Variants in TASOR2 observed in about 807,000 individuals in gnomAD.
The protein encoded by TASOR2 is transcription activation suppressor family member 2.
In TASOR2, 84 loss-of-function variants were observed where a neutral mutation model predicts 199.5. That is an observed-to-expected ratio of 0.42 (90% CI 0.35 to 0.50). The LOEUF (loss-of-function observed/expected upper bound fraction) is 0.50. Ranked by LOEUF, TASOR2 falls within the 20% of genes least tolerant of loss-of-function variation. TASOR2 has a pLI of 0.02. For synonymous variants in TASOR2, 1,103 were observed against 1,046.6 expected (o/e 1.05, Z -1.04); for missense variants, 2,796 against 2,835.9 (o/e 0.99, Z 0.32).
In TASOR2 at chr10:5,720,987, A is replaced by T. The variant is rs755669529; in HGVS notation, c.146+17A>T. On this transcript the variant is annotated intron_variant, in intron 6 of 20. Coordinates refer to ENST00000328090, the Ensembl canonical transcript of TASOR2. This position sits in a 1 kb window ranked among gnomAD's most constrained non-coding sequence, Gnocchi z 5.3. The stretch of plus-strand genomic sequence containing the variant: ...AACACAGCTGTAAGTATTAAATGTT[A>T]TGTCCTTTACTAATGCTTATATTAC... 1 of 1,583,042 alleles carries T rather than the reference A, an allele frequency of 6.3e-7. No homozygotes were observed. The highest frequency in any genetic ancestry group is 8.6e-7 in the Non-Finnish European group (1 of 1,161,302).
chr10:5,748,527 G>C lies in TASOR2; in HGVS notation c.5106G>C (p.Glu1702Asp). ...TTAAGAATGGTGAGCCTGAAGCTGA[G>C]TTACATAAAGAAACCACAGGTCCAG... Residue 1702 changes from glutamate (E) to aspartate (D), a missense_variant, in exon 15 of 21, where the codon GAG becomes GAC. By Grantham distance (45) the Glu-to-Asp change is conservative. This residue lies in a region of TASOR2 where 1,941 missense variants were observed against 1,924.9 expected (regional missense o/e 1.01). Transcript: ENST00000328090. The surrounding 1 kb of genome is among the most constrained non-coding windows in gnomAD (Gnocchi z 5.1). 1 of 1,613,578 alleles carries C rather than the reference G, an allele frequency of 6.2e-7. No homozygotes were observed. The highest frequency in any genetic ancestry group is 8.5e-7 in the Non-Finnish European group (1 of 1,180,024).
At chr10:5,755,626 A>C (rs2669133) in intron 15 of TASOR2, among the ~76,000 whole-genome samples, 12,307 of 152,066 alleles carry the variant, frequency 0.081, 1,270 homozygotes, top group East Asian at 0.44. Flanking sequence ...ACTTTTATGA[A>C]GGAAATAAGT....
At chr10:5,705,376 TC>T (rs1235508713) in intron 1 of TASOR2, among the ~76,000 whole-genome samples, 1 of 152,216 alleles carries the variant, frequency 6.6e-6, no homozygotes, top group Non-Finnish European at 1.5e-5. Flanking sequence ...TACAAGTTTA[TC>T]CATTCACCTA....
At chr10:5,755,333 G>A (rs928205845) in intron 15 of TASOR2, among the ~76,000 whole-genome samples, 7 of 152,160 alleles carry the variant, frequency 4.6e-5, no homozygotes, top group Non-Finnish European at 8.8e-5. Flanking sequence ...AGCACTTTGG[G>A]AGGCCAAGGC....
exon 15 of TASOR2, chr10:5,749,038 CACA>C (rs1356064338): frequency 9.9e-6 from 16 of 1,613,986 alleles, no homozygotes; most frequent in Non-Finnish European, 9.3e-6. Flanking sequence ...GTTGAACTTC[CACA>C]ACAACAACCA....
rs1275618267 is a variant in TASOR2 at position 5,740,208 on chromosome 10, A to C, written c.2038A>C (p.Arg680=). The stretch of plus-strand genomic sequence containing the variant: ...AGAGATACTAAGCCCTCTGTTTCCC[A>C]GGAATGGGACAAAAAGCCCTGAAGC... Residue 680 remains arginine, a synonymous_variant, in exon 13 of 21, where the codon AGG becomes CGG. Coordinates refer to ENST00000328090, the Ensembl canonical transcript of TASOR2. The surrounding 1 kb of genome is among the most constrained non-coding windows in gnomAD (Gnocchi z 5.3). 6.2e-7 allele frequency: 1 copy of C among 1,614,230 alleles called. No individual in the cohort carries two copies. Among genetic ancestry groups the C allele is most frequent in the Admixed American group, 1.7e-5 (1 of 60,026 alleles).
rs1554784551 is a variant in TASOR2 at position 5,762,515 on chromosome 10, T to TG, written c.7175-17_7175-16insG. 2.3e-5 allele frequency: 14 copies of TG among 599,540 alleles called. No homozygotes were observed. Among genetic ancestry groups the TG allele is most frequent in the Non-Finnish European group, 3.6e-5 (14 of 386,522 alleles). 37.1% of individuals were successfully genotyped at this position (599,540 alleles called of 1,614,324 possible). A position where few individuals can be genotyped will look rare whatever the true frequency, so the allele number is the denominator to read the frequency against. ...TAATTATATTAACCAAAAGTTGTTTTTTTTTTTTTTTAACAGACAAGCCTA... is the reference window on the plus strand; with the variant it reads ...TAATTATATTAACCAAAAGTTGTTTTGTTTTTTTTTTTAACAGACAAGCCTA... On this transcript the variant is annotated splice_polypyrimidine_tract_variant and intron_variant, in intron 19 of 20. Coordinates refer to ENST00000328090, the Ensembl canonical transcript of TASOR2.
chr10:5,689,012 G>T lies in TASOR2; in HGVS notation c.-288+3837G>T, dbSNP rs1035607141. On this transcript the variant is annotated intron_variant, in intron 1 of 20. Coordinates refer to ENST00000328090, the Ensembl canonical transcript of TASOR2. The surrounding 1 kb of genome is among the most constrained non-coding windows in gnomAD (Gnocchi z 4.1). Reference sequence around the variant, plus strand: ...AGCAAGACCCTGTCTCCTTTAAAAAGTACAGTTTTTGGAATGGCTTTTATT... The same window carrying T: ...AGCAAGACCCTGTCTCCTTTAAAAATTACAGTTTTTGGAATGGCTTTTATT... Among the ~76,000 whole-genome samples, 1 of 151,736 alleles carries T rather than the reference G, an allele frequency of 6.6e-6. No homozygotes were observed.
In TASOR2 at chr10:5,708,622, CCCTCCCTT is replaced by C. The variant is rs1439126953; in HGVS notation, c.-287-4189_-287-4182del. Among the ~76,000 whole-genome samples, 20 of 15,176 alleles carry C rather than the reference CCCTCCCTT, an allele frequency of 1.3e-3. 1 individual carries two copies. The highest frequency in any genetic ancestry group is 8.3e-3 in the East Asian group (11 of 1,332). 10.0% of individuals were successfully genotyped at this position (15,176 alleles called of 152,430 possible). ...TCTCTTCCTTCCTCCCTCCCTCCCT[CCCTCCCTT>C]CCTCCCTTCCTTCCTTCCTTCCTTC... On this transcript the variant is annotated intron_variant, in intron 1 of 20. Coordinates refer to ENST00000328090, the Ensembl canonical transcript of TASOR2.
intron 14 of TASOR2, among the ~76,000 whole-genome samples, chr10:5,743,157 A>G (rs1836673970): frequency 6.6e-6 from 1 of 152,232 alleles, no homozygotes; most frequent in Non-Finnish European, 1.5e-5. Flanking sequence ...TGACAAAATT[A>G]CCTACCTTTT....
chr10:5,757,420 T>G, intron 16 of TASOR2, 100 bp from the exon 18 acceptor site: 1 of 1,183,084 alleles, frequency 8.5e-7, no homozygotes. Context: ...TTTTCAGTTG[T>G]TCCTGAACCT....
chr10:5,706,353 G>A lies in TASOR2; in HGVS notation c.-287-6470G>A, dbSNP rs553131752. On this transcript the variant is annotated intron_variant, in intron 1 of 20. Coordinates refer to ENST00000328090, the Ensembl canonical transcript of TASOR2. This position sits in a 1 kb window ranked among gnomAD's most constrained non-coding sequence, Gnocchi z 4.8. ...TATAAATTTTAGAATCAGATCATCA[G>A]TTTCTGCAAACTGAGATTGTGTTGA... 1.3e-5 allele frequency among the ~76,000 whole-genome samples: 2 copies of A among 152,244 alleles called. No individual in the cohort carries two copies. Among genetic ancestry groups the A allele is most frequent in the African/African-American group, 4.8e-5 (2 of 41,544 alleles).
chr10:5,705,782 A>G (rs944518036), intron 1 of TASOR2, among the ~76,000 whole-genome samples: 6 of 152,074 alleles, frequency 3.9e-5, no homozygotes, highest in African/African-American at 7.2e-5. Context: ...AAATGTGTCT[A>G]TGAGTTTTTT....
At chr10:5,695,366 AT>A in intron 1 of TASOR2, among the ~76,000 whole-genome samples, 1 of 152,334 alleles carries the variant, frequency 6.6e-6, no homozygotes. Flanking sequence ...AGATCTTTAG[AT>A]TGTGCTTTTT....
chr10:5,707,164 C>T (rs1242556279), intron 1 of TASOR2, among the ~76,000 whole-genome samples: 1 of 152,192 alleles, frequency 6.6e-6, no homozygotes. Context: ...GCCTCATGCA[C>T]AGCAAGCCTT....
rs1334404396 is a variant in TASOR2 at position 5,699,528 on chromosome 10, A to G, written c.-287-13295A>G. 6.6e-6 allele frequency: 1 copy of G among 152,228 alleles called. No homozygotes were observed. The highest frequency in any genetic ancestry group is 1.9e-4 in the East Asian group (1 of 5,204). 9.4% of individuals were successfully genotyped at this position (152,228 alleles called of 1,614,324 possible). On this transcript the variant is annotated intron_variant, in intron 1 of 20. Transcript: ENST00000328090. The surrounding 1 kb of genome is among the most constrained non-coding windows in gnomAD (Gnocchi z 4.1). ...TTATATCTCAACATTGTATTAGAAA[A>G]TAAAATTAATGAAGCATAGAAGTTA... is the stretch of plus-strand genomic sequence containing the variant.
At position 5,712,928 on chromosome 10, in the gene TASOR2, T is replaced by A; in HGVS notation, c.-192+10T>A. ...TGATACTGAAAAGCAGGTAAGGGAA[T>A]TAGGTTGTAGAAAATTAATGGTATC... is the stretch of plus-strand genomic sequence containing the variant. On this transcript the variant is annotated intron_variant, in intron 2 of 20. Transcript: ENST00000328090. 8.3e-7 allele frequency: 1 copy of A among 1,203,626 alleles called. No homozygotes were observed. The highest frequency in any genetic ancestry group is 1.0e-6 in the Non-Finnish European group (1 of 962,214). The allele number at this position is 1,203,626 out of a possible 1,614,324, so 74.6% of individuals were successfully genotyped here. A position where few individuals can be genotyped will look rare whatever the true frequency, so the allele number is the denominator to read the frequency against.
intron 2 of TASOR2, 23 bp downstream of exon 3, chr10:5,714,230 A>C: frequency 8.2e-7 from 1 of 1,223,736 alleles, no homozygotes; most frequent in Non-Finnish European, 1.0e-6. Flanking sequence ...AGCAAAAAGA[A>C]TCTTAAAAAA....
Position 5,742,341 on chromosome 10 carries a change from A to G in TASOR2, c.2572A>G (p.Ile858Val), listed in dbSNP as rs753753548. ...AGACTCTCTGTTGGAGACTAACGAA[A>G]TTTCCAGGGCTCATGCTGCTGAAGT... Residue 858 changes from isoleucine to valine, a missense_variant, in exon 14 of 21, where the codon ATT becomes GTT. Ile to Val is a conservative substitution (Grantham distance 29). Transcript: ENST00000328090. The surrounding 1 kb of genome is among the most constrained non-coding windows in gnomAD (Gnocchi z 4.2). 2.2e-5 allele frequency: 36 copies of G among 1,614,034 alleles called. No individual in the cohort carries two copies. The highest frequency in any genetic ancestry group is 8.5e-7 in the Non-Finnish European group (1 of 1,180,034).
Sources: allele counts gnomAD v4.1 joint callset (sites outside exome capture counted in the v4.1 genomes callset), GRCh38; gene constraint gnomAD v4.1.1; regional missense constraint gnomAD v4.1.1; non-coding constraint Gnocchi (gnomAD v3.1); transcripts MANE v1.5; gene names NCBI Gene and HGNC (gene_info 2026-07-23, HGNC 2026-07-21).